The following AGBL4 variants were observed in gnomAD, a reference collection of about 807,000 sequenced individuals.
AGBL4 encodes the protein cytosolic carboxypeptidase 6.
AGBL4 carries 58 observed loss-of-function variants against 66.4 expected under a neutral mutation model. That is an observed-to-expected ratio of 0.87 (90% CI 0.71 to 1.09). The LOEUF (loss-of-function observed/expected upper bound fraction) is 1.09. Among genes scored for constraint, AGBL4 ranks in the 50% least tolerant of loss-of-function variants. AGBL4 has a pLI of 0.00. For missense variants in AGBL4, 579 were observed against 631.0 expected, an observed-to-expected ratio of 0.92 and a Z score of 0.88; for synonymous variants, 234 against 222.9, an observed-to-expected ratio of 1.05 and a Z score of -0.44.
intron 6 of AGBL4, among the ~76,000 whole-genome samples, chr1:48,742,956 G>C (rs1427483821): frequency 1.3e-5 from 2 of 152,164 alleles, no homozygotes; most frequent in East Asian, 3.9e-4. Context: ...GGGAAAAGGT[G>C]GAAAACTGGA....
intron 2 of AGBL4, among the ~76,000 whole-genome samples, chr1:49,819,121 T>A (rs1172819035): frequency 1.3e-5 from 2 of 152,182 alleles, no homozygotes; most frequent in African/African-American, 2.4e-5. Context: ...TAATAGATGA[T>A]CAATACTTCT....
chr1:48,858,430 T>A (rs1647236006), intron 6 of AGBL4, among the ~76,000 whole-genome samples: 1 of 152,172 alleles, frequency 6.6e-6, no homozygotes, highest in Non-Finnish European at 1.5e-5. Context: ...ACATCCCAAA[T>A]GTCCAATAAC....
At chr1:49,302,605 ATTT>A (rs1229648131) in intron 3 of AGBL4, among the ~76,000 whole-genome samples, 16 of 84,472 alleles carry the variant, frequency 1.9e-4, no homozygotes, top group East Asian at 5.7e-4. Flanking sequence ...ATTTTATTTT[ATTT>A]TTTTATTTTA....
chr1:49,467,653 C>T (rs1156592173), intron 3 of AGBL4, among the ~76,000 whole-genome samples: 2 of 151,856 alleles, frequency 1.3e-5, no homozygotes, highest in Non-Finnish European at 2.9e-5. Context: ...TTTTAGTTTG[C>T]ATGACCTTAA....
At chr1:49,041,206 C>A (rs2149049830) in intron 5 of AGBL4, among the ~76,000 whole-genome samples, 1 of 152,178 alleles carries the variant, frequency 6.6e-6, no homozygotes, top group South Asian at 2.1e-4. Flanking sequence ...CATGTTTAGC[C>A]TTCCCACTTG....
intron 1 of AGBL4, among the ~76,000 whole-genome samples, chr1:49,966,746 A>G (rs1657598231): frequency 6.6e-6 from 1 of 152,174 alleles, no homozygotes; most frequent in South Asian, 2.1e-4. Flanking sequence ...GCACAAAGTA[A>G]CCACTCAGTA....
intron 6 of AGBL4, among the ~76,000 whole-genome samples, chr1:48,670,118 G>A (rs1646253442): frequency 6.6e-6 from 1 of 152,204 alleles, no homozygotes. Context: ...ATCAGGCGCT[G>A]GGGACAGGAG....
Position 49,650,786 on chromosome 1 carries a change from A to G in AGBL4, c.282+46527T>C, listed in dbSNP as rs577179019. Among the ~76,000 whole-genome samples the G allele has an allele frequency of 2.6e-5, 4 of 152,300 alleles. No homozygotes were observed. The East Asian group carries it at 7.7e-4, about 29-fold the overall frequency. ...CAAAGGAAATGTGAACGCAGTCCCT[A>G]TCTGTGAAGCGGGTGGTACTAGTGG... is the stretch of plus-strand genomic sequence containing the variant. On this transcript the variant is annotated intron_variant, in intron 3 of 13. Coordinates refer to ENST00000371839, the MANE Select transcript of AGBL4 (RefSeq NM_032785.4).
intron 5 of AGBL4, among the ~76,000 whole-genome samples, chr1:49,021,947 A>G (rs1663282624): frequency 6.6e-6 from 1 of 152,186 alleles, no homozygotes; most frequent in South Asian, 2.1e-4. Context: ...ATAGACTCCC[A>G]GCCATCTGTT....
At chr1:49,828,456 GA>G (rs902327508) in intron 2 of AGBL4, among the ~76,000 whole-genome samples, 14 of 151,516 alleles carry the variant, frequency 9.2e-5, no homozygotes, top group Admixed American at 1.3e-4. Flanking sequence ...CAGAATTCCA[GA>G]AAAAAAAATT....
chr1:48,924,067 A>G (rs1654319836), intron 5 of AGBL4, among the ~76,000 whole-genome samples: 2 of 152,130 alleles, frequency 1.3e-5, no homozygotes, highest in South Asian at 2.1e-4. Context: ...AATTAAGTTC[A>G]GATCTCTTTG....
intron 1 of AGBL4, among the ~76,000 whole-genome samples, chr1:49,997,007 G>C (rs1660415382): frequency 6.6e-6 from 1 of 152,110 alleles, no homozygotes; most frequent in Non-Finnish European, 1.5e-5. Flanking sequence ...TAAATGCTGA[G>C]AGGATTTGCC....
At chr1:48,749,718 G>C (rs1157797016) in intron 6 of AGBL4, among the ~76,000 whole-genome samples, 2 of 152,192 alleles carry the variant, frequency 1.3e-5, no homozygotes, top group Admixed American at 1.3e-4. Flanking sequence ...TAGAAGCTCT[G>C]AACTTATCCT....
chr1:49,745,574 T>TA (rs2147820917), intron 2 of AGBL4, among the ~76,000 whole-genome samples: 1 of 152,002 alleles, frequency 6.6e-6, no homozygotes, highest in South Asian at 2.1e-4. Context: ...ACCACTCTAT[T>TA]AATATCAGAC....
At chr1:48,617,183 T>C (rs1156283222) in intron 9 of AGBL4, among the ~76,000 whole-genome samples, 1 of 152,236 alleles carries the variant, frequency 6.6e-6, no homozygotes, top group African/African-American at 2.4e-5. Context: ...GAATTCATCT[T>C]TTTATGACTG....
intron 4 of AGBL4, among the ~76,000 whole-genome samples, chr1:49,183,496 T>G (rs1397427316): frequency 6.6e-6 from 1 of 152,068 alleles, no homozygotes; most frequent in African/African-American, 2.4e-5. Flanking sequence ...CTTTGGCCTA[T>G]CACAACCCAT....
chr1:48,595,856 G>C (rs928676662), intron 9 of AGBL4, among the ~76,000 whole-genome samples: 2 of 152,068 alleles, frequency 1.3e-5, no homozygotes, highest in Non-Finnish European at 2.9e-5. Flanking sequence ...TTCACATTTC[G>C]GCAGCACTTC....
At chr1:49,221,685 C>G (rs1649507715) in intron 4 of AGBL4, among the ~76,000 whole-genome samples, 1 of 151,922 alleles carries the variant, frequency 6.6e-6, no homozygotes, top group Admixed American at 6.6e-5. Flanking sequence ...TATTTTTTTT[C>G]ACATTTTATT....
At chr1:49,919,884 A>C (rs1652017284) in intron 1 of AGBL4, among the ~76,000 whole-genome samples, 1 of 152,238 alleles carries the variant, frequency 6.6e-6, no homozygotes, top group Non-Finnish European at 1.5e-5. Flanking sequence ...GTGGTACCAA[A>C]ACAGAGATAT....
Sources: gnomAD v4.1 joint callset for allele counts (sites outside exome capture counted in the v4.1 genomes callset) on GRCh38, gnomAD v4.1.1 for gene constraint, MANE v1.5 for transcripts, NCBI Gene and HGNC (gene_info 2026-07-23, HGNC 2026-07-21) for gene names.